Variants in MRPS9 observed in about 807,000 individuals in gnomAD.
MRPS9 encodes small ribosomal subunit protein uS9m.
Under a neutral mutation model 59.9 loss-of-function variants are expected in MRPS9, and 45 were observed. The ratio of observed to expected loss-of-function variants is 0.75; its 90% confidence interval spans 0.59 to 0.96. The LOEUF (loss-of-function observed/expected upper bound fraction) is 0.96, where lower values mean the gene tolerates loss of function less well. Ranked by LOEUF, MRPS9 falls within the 40% of genes least tolerant of loss-of-function variation. MRPS9 has a pLI of 0.00. For missense variants in MRPS9, 473 were observed against 481.1 expected (o/e 0.98, Z 0.16); for synonymous variants, 171 against 166.8 (o/e 1.03, Z -0.19).
chr2:105,081,280 A>T (rs777782808), intron 5 of MRPS9, among the ~76,000 whole-genome samples: 2 of 152,148 alleles, frequency 1.3e-5, no homozygotes, highest in Non-Finnish European at 2.9e-5. Context: ...GTCGGAGGGG[A>T]TGATGGAGCT....
intron 6 of MRPS9, 87 bp from the exon 7 acceptor site, chr2:105,089,833 A>G: frequency 1.2e-6 from 1 of 851,792 alleles, no homozygotes; most frequent in Non-Finnish European, 1.8e-6. Flanking sequence ...TTCAAATCAT[A>G]AAATTGCTAC....
intron 5 of MRPS9, among the ~76,000 whole-genome samples, chr2:105,084,247 A>ATATATATATATATATATATATATAT (rs1680403807): frequency 2.9e-5 from 4 of 139,592 alleles, no homozygotes; most frequent in African/African-American, 7.9e-5. Context: ...TATATACCAA[A>ATATATATATATATATATATATATAT]ATATATATAT....
At chr2:105,065,946 G>GAAAAGAAAAAGAAAGA (rs577980060) in intron 2 of MRPS9, among the ~76,000 whole-genome samples, 65 of 145,058 alleles carry the variant, frequency 4.5e-4, no homozygotes, top group African/African-American at 1.6e-3. Context: ...ATTTGTAAAA[G>GAAAAGAAAAAGAAAGA]AAAAGAAAAA....
intron 4 of MRPS9, among the ~76,000 whole-genome samples, chr2:105,076,079 T>C (rs1348946959): frequency 6.6e-6 from 1 of 152,240 alleles, no homozygotes; most frequent in African/African-American, 2.4e-5. Flanking sequence ...TCACAGATGT[T>C]ATGACTGCCT....
intron 1 of MRPS9, among the ~76,000 whole-genome samples, chr2:105,045,385 G>A (rs1468877563): frequency 9.5e-5 from 14 of 147,300 alleles, no homozygotes; most frequent in Non-Finnish European, 1.5e-4. Context: ...TAGGAAGGAA[G>A]CATTAAAAAA....
chr2:105,043,420 G>A (rs901758504), intron 1 of MRPS9, among the ~76,000 whole-genome samples: 3 of 151,994 alleles, frequency 2.0e-5, no homozygotes, highest in South Asian at 2.1e-4. Context: ...CTATAGTCCC[G>A]AATAATCTGG....
At chr2:105,063,740 A>T (rs1185426132) in intron 2 of MRPS9, among the ~76,000 whole-genome samples, 5 of 152,192 alleles carry the variant, frequency 3.3e-5, no homozygotes, top group Non-Finnish European at 7.4e-5. Flanking sequence ...AATTTTATCT[A>T]TGAGTTTGTA....
intron 2 of MRPS9, among the ~76,000 whole-genome samples, chr2:105,064,661 C>G (rs954358701): frequency 1.3e-5 from 2 of 152,088 alleles, no homozygotes; most frequent in African/African-American, 4.8e-5. Flanking sequence ...GAAAGAGGCT[C>G]GTTCTCTGTT....
In MRPS9 at chr2:105,082,731, G is replaced by A. The variant is rs181489249; in HGVS notation, c.489+2669G>A. Among the ~76,000 whole-genome samples the A allele has an allele frequency of 2.3e-3, 357 of 152,284 alleles. 1 individual carries two copies. The highest frequency in any genetic ancestry group is 8.3e-3 in the African/African-American group (343 of 41,558). On this transcript the variant is annotated intron_variant, in intron 5 of 10. Coordinates refer to ENST00000258455, the MANE Select transcript of MRPS9 (RefSeq NM_182640.3). ...AAAGTGAAGGGGGATTTGCTGATCC[G>A]TGATGTTCTCACGTTTTGGAAATGT...
At chr2:105,067,403 C>T (rs764586853) in intron 2 of MRPS9, among the ~76,000 whole-genome samples, 2 of 152,100 alleles carry the variant, frequency 1.3e-5, no homozygotes, top group African/African-American at 2.4e-5. Context: ...GTTACATCCA[C>T]GAAGTCTGAG....
intron 7 of MRPS9, chr2:105,092,134 TTTCA>T: frequency 3.1e-6 from 1 of 317,698 alleles, no homozygotes; most frequent in Non-Finnish European, 5.7e-6. Flanking sequence ...TAAATCTCAA[TTTCA>T]TAAACATAAT....
chr2:105,084,078 G>A (rs906947446), intron 5 of MRPS9, among the ~76,000 whole-genome samples: 4 of 151,970 alleles, frequency 2.6e-5, no homozygotes, highest in Non-Finnish European at 5.9e-5. Context: ...CCTCATCCCA[G>A]TCTTTAAGGA....
intron 7 of MRPS9, among the ~76,000 whole-genome samples, chr2:105,090,785 T>C (rs1370413050): frequency 6.6e-6 from 1 of 152,240 alleles, no homozygotes; most frequent in Non-Finnish European, 1.5e-5. Flanking sequence ...AGATGGAGAT[T>C]TTCTTTGATG....
At chr2:105,079,943 G>T in intron 4 of MRPS9, 40 bp from the exon 5 acceptor site, 1 of 1,475,846 alleles carries the variant, frequency 6.8e-7, no homozygotes, top group Admixed American at 1.7e-5. Flanking sequence ...CTGTCTCTGT[G>T]TATATTTTTA....
At chr2:105,067,919 T>A (rs11897239) in intron 2 of MRPS9, among the ~76,000 whole-genome samples, 6 of 152,124 alleles carry the variant, frequency 3.9e-5, no homozygotes, top group African/African-American at 7.2e-5. Context: ...ACTTGAACTC[T>A]TGGGCTCAAG....
chr2:105,092,661 ATTT>A (rs1680584650), intron 8 of MRPS9, 92 bp downstream of exon 8: 1 of 1,139,800 alleles, frequency 8.8e-7, no homozygotes, highest in African/African-American at 1.6e-5. Flanking sequence ...TATCCATTAG[ATTT>A]TTTATTTGTT....
At chr2:105,068,870 T>G (rs1247033576) in intron 2 of MRPS9, among the ~76,000 whole-genome samples, 1 of 152,240 alleles carries the variant, frequency 6.6e-6, no homozygotes, top group Non-Finnish European at 1.5e-5. Context: ...TTGGTTGTTT[T>G]CAGTATTTTG....
chr2:105,064,557 G>A (rs549117234), intron 2 of MRPS9, among the ~76,000 whole-genome samples: 9 of 152,284 alleles, frequency 5.9e-5, no homozygotes, highest in African/African-American at 2.2e-4. Context: ...AGAAAGGTGG[G>A]CCTCACCCCT....
chr2:105,060,696 G>A (rs1679884196), intron 2 of MRPS9, among the ~76,000 whole-genome samples: 1 of 152,200 alleles, frequency 6.6e-6, no homozygotes, highest in African/African-American at 2.4e-5. Flanking sequence ...TGAGGAGTAA[G>A]AACAAAGTTG....
Sources: allele counts gnomAD v4.1 joint callset (sites outside exome capture counted in the v4.1 genomes callset), GRCh38; gene constraint gnomAD v4.1.1; transcripts MANE v1.5; gene names NCBI Gene and HGNC (gene_info 2026-07-23, HGNC 2026-07-21).